Variants in CDYL2 observed in about 807,000 individuals in gnomAD.
CDYL2 encodes the protein chromodomain Y-like protein 2.
CDYL2 carries 23 observed loss-of-function variants against 49.4 expected under a neutral mutation model. The observed-to-expected ratio is 0.47, with a 90% CI of 0.34 to 0.66. The LOEUF is 0.66. CDYL2 is among the 30% of genes least tolerant of loss of function. The pLI, the probability that CDYL2 is intolerant of heterozygous loss-of-function variation, is 0.01. For synonymous variants in CDYL2, 360 were observed against 268.8 expected (o/e 1.34, Z -3.32); for missense variants, 678 against 656.4 (o/e 1.03, Z -0.36).
At chr16:80,623,240 G>T (rs373278730) in intron 3 of CDYL2, among the ~76,000 whole-genome samples, 1 of 151,936 alleles carries the variant, frequency 6.6e-6, no homozygotes, top group Non-Finnish European at 1.5e-5. Flanking sequence ...GCGCCTCTGG[G>T]GCTACGGTTG....
At chr16:80,730,576 G>A (rs536427847) in intron 1 of CDYL2, among the ~76,000 whole-genome samples, 10 of 151,954 alleles carry the variant, frequency 6.6e-5, no homozygotes, top group African/African-American at 1.5e-4. Flanking sequence ...AATAGAAAAA[G>A]AGGGAATCCT....
chr16:80,797,523 TG>T (rs572924183), intron 1 of CDYL2, among the ~76,000 whole-genome samples: 104 of 152,334 alleles, frequency 6.8e-4, no homozygotes, highest in African/African-American at 2.5e-3. Flanking sequence ...CAGCTGTTTA[TG>T]GAGAGAATAC....
intron 1 of CDYL2, among the ~76,000 whole-genome samples, chr16:80,763,566 C>G (rs982031431): frequency 6.6e-6 from 1 of 151,858 alleles, no homozygotes; most frequent in Non-Finnish European, 1.5e-5. Context: ...GAACCAAGAT[C>G]GTGCCACTGC....
At chr16:80,643,834 C>T (rs547295122) in intron 2 of CDYL2, among the ~76,000 whole-genome samples, 2 of 152,360 alleles carry the variant, frequency 1.3e-5, no homozygotes, top group Middle Eastern at 3.4e-3. Flanking sequence ...TCCCCTAGGC[C>T]TCCAGGCCTG....
intron 2 of CDYL2, among the ~76,000 whole-genome samples, chr16:80,644,611 G>T (rs182733974): frequency 6.6e-6 from 1 of 152,216 alleles, no homozygotes; most frequent in African/African-American, 2.4e-5. Context: ...GCAGTGGCAA[G>T]AGAAAATGAG....
At position 80,759,118 on chromosome 16, in the gene CDYL2, A is replaced by T. The variant is rs972157910; in HGVS notation, c.24+45032T>A. Among the ~76,000 whole-genome samples the T allele has an allele frequency of 4.8e-4, 57 of 118,462 alleles. 1 individual carries two copies. The East Asian group carries it at 0.013, about 27-fold the overall frequency. 77.7% of individuals were successfully genotyped at this position (118,462 alleles called of 152,430 possible). On this transcript the variant is annotated intron_variant, in intron 1 of 6. Coordinates refer to ENST00000570137, the MANE Select transcript of CDYL2 (RefSeq NM_152342.4). ...AACCATATACTATATATATATATAT[A>T]TATATATATATATATATATATGGTT...
chr16:80,753,999 T>C (rs1487658535), intron 1 of CDYL2, among the ~76,000 whole-genome samples: 1 of 152,214 alleles, frequency 6.6e-6, no homozygotes, highest in East Asian at 1.9e-4. Flanking sequence ...TGCAAAATGA[T>C]GGAAGCATGC....
At chr16:80,626,584 AACACCCAATC>A (rs1235783101) in intron 3 of CDYL2, among the ~76,000 whole-genome samples, 1 of 152,210 alleles carries the variant, frequency 6.6e-6, no homozygotes, top group Non-Finnish European at 1.5e-5. Context: ...TAAAATAAAG[AACACCCAATC>A]ACTGGATTGT....
chr16:80,666,387 G>C (rs1241733638), intron 2 of CDYL2, among the ~76,000 whole-genome samples: 2 of 152,184 alleles, frequency 1.3e-5, no homozygotes, highest in African/African-American at 4.8e-5. Context: ...CATGATTTGG[G>C]CATTCGCTCT....
chr16:80,759,177 G>GTA (rs1491177542), intron 1 of CDYL2, among the ~76,000 whole-genome samples: 1 of 105,522 alleles, frequency 9.5e-6, no homozygotes, highest in African/African-American at 4.2e-5. Context: ...TATATATATG[G>GTA]TGTGTATATA....
In CDYL2 at chr16:80,709,250, C is replaced by T. The variant is rs185639234; in HGVS notation, c.25-24121G>A. 4.1e-4 allele frequency among the ~76,000 whole-genome samples: 63 copies of T among 152,122 alleles called. No individual in the cohort carries two copies. The East Asian group carries it at 0.01, about 24-fold the overall frequency. On this transcript the variant is annotated intron_variant, in intron 1 of 6. Transcript: ENST00000570137. Reference sequence around the variant, plus strand: ...TACAAAAATTAGCTGGGTGTGGTGGCGTGCACCTGTAGCCCCAGCTACTCA... The same window carrying T: ...TACAAAAATTAGCTGGGTGTGGTGGTGTGCACCTGTAGCCCCAGCTACTCA...
At chr16:80,730,619 T>C (rs1905294349) in intron 1 of CDYL2, among the ~76,000 whole-genome samples, 1 of 152,076 alleles carries the variant, frequency 6.6e-6, no homozygotes. Context: ...AGCATCATCC[T>C]GATACCAAAG....
intron 4 of CDYL2, among the ~76,000 whole-genome samples, chr16:80,614,626 G>A (rs1050535005): frequency 1.3e-5 from 2 of 152,202 alleles, no homozygotes; most frequent in Non-Finnish European, 2.9e-5. Flanking sequence ...AGCAGTGTGG[G>A]AGGCCGAGGT....
chr16:80,792,662 G>C (rs1218145304), intron 1 of CDYL2, among the ~76,000 whole-genome samples: 1 of 152,144 alleles, frequency 6.6e-6, no homozygotes, highest in Non-Finnish European at 1.5e-5. Flanking sequence ...GGGCAAGAAG[G>C]GATGGTGTCA....
rs537301791 is a variant in CDYL2, at chr16:80,754,961, TTC to T, written c.24+49187_24+49188del. Among the ~76,000 whole-genome samples, 559 of 152,242 alleles carry T rather than the reference TTC, an allele frequency of 3.7e-3. 4 individuals carry two copies. The highest frequency in any genetic ancestry group is 0.013 in the African/African-American group (526 of 41,542). On this transcript the variant is annotated intron_variant, in intron 1 of 6. Transcript: ENST00000570137. ...AGGGGAAATATCATTAGGATTTCAC[TTC>T]TGGAACTTGGGCAGTCACCCACCAA...
intron 2 of CDYL2, among the ~76,000 whole-genome samples, chr16:80,670,251 G>A (rs1010424430): frequency 1.3e-5 from 2 of 151,616 alleles, no homozygotes; most frequent in Non-Finnish European, 2.9e-5. Flanking sequence ...TAATCCCCAC[G>A]TGTGGTGGGA....
chr16:80,752,914 A>T (rs1046911124), intron 1 of CDYL2, among the ~76,000 whole-genome samples: 1 of 152,240 alleles, frequency 6.6e-6, no homozygotes, highest in Non-Finnish European at 1.5e-5. Flanking sequence ...AAGGAAATCT[A>T]TCCCATATTG....
rs546937552 is a variant in CDYL2 at position 80,701,727 on chromosome 16, G to A, written c.25-16598C>T. On this transcript the variant is annotated intron_variant, in intron 1 of 6. Coordinates refer to ENST00000570137, the MANE Select transcript of CDYL2 (RefSeq NM_152342.4). ...ATTAAAAGTTGGTTTGCAACAAACT[G>A]ATCGATAAATGTAACGCAGTTTACA... 9.1e-4 allele frequency among the ~76,000 whole-genome samples: 139 copies of A among 152,322 alleles called. 1 individual carries two copies. The highest frequency in any genetic ancestry group is 3.3e-3 in the African/African-American group (136 of 41,564).
At chr16:80,677,905 A>T (rs1320581706) in intron 2 of CDYL2, among the ~76,000 whole-genome samples, 9 of 151,896 alleles carry the variant, frequency 5.9e-5, no homozygotes, top group Non-Finnish European at 1.0e-4. Flanking sequence ...ACTGGTACCA[A>T]AACAGAGATA....
Sources: allele counts gnomAD v4.1 joint callset (sites outside exome capture counted in the v4.1 genomes callset), GRCh38; gene constraint gnomAD v4.1.1; transcripts MANE v1.5; gene names NCBI Gene and HGNC (gene_info 2026-07-23, HGNC 2026-07-21).